LRRC1: variants seen among roughly 807,000 people sequenced by gnomAD.
LRRC1 encodes the protein leucine-rich repeat-containing protein 1.
LRRC1 carries 28 observed loss-of-function variants against 69.9 expected under a neutral mutation model. The observed-to-expected ratio is 0.40, with a 90% CI of 0.30 to 0.55. The LOEUF is 0.55. Among genes scored for constraint, LRRC1 ranks in the 20% least tolerant of loss-of-function variants. LRRC1 has a pLI of 0.47. For missense variants in LRRC1, 498 were observed against 609.0 expected (o/e 0.82, Z 1.92); for synonymous variants, 236 against 240.2 (o/e 0.98, Z 0.16).
At chr6:53,867,115 G>A (rs1766726481) in intron 2 of LRRC1, among the ~76,000 whole-genome samples, 1 of 152,116 alleles carries the variant, frequency 6.6e-6, no homozygotes, top group African/African-American at 2.4e-5. Flanking sequence ...TGTAAACTTG[G>A]ACGAGTCCCT....
rs1371557690 is a variant in LRRC1, at chr6:53,851,659, T to TGA, written c.277+9432_277+9433insGA. Among the ~76,000 whole-genome samples, 4 of 152,040 alleles carry TGA rather than the reference T, an allele frequency of 2.6e-5. No homozygotes were observed. The East Asian group carries it at 7.7e-4, about 29-fold the overall frequency. On this transcript the variant is annotated intron_variant, in intron 2 of 13. Transcript: ENST00000370888. ...TTTGGCATCCTGTGGTGCAGTGAAA[T>TGA]TAACATATAAAAGTAACCATCACAC...
intron 2 of LRRC1, among the ~76,000 whole-genome samples, chr6:53,858,577 G>T (rs1217866481): frequency 1.3e-5 from 2 of 152,206 alleles, no homozygotes; most frequent in African/African-American, 4.8e-5. Context: ...TCAGATAAAT[G>T]AAAGAATGAG....
At chr6:53,843,648 T>A (rs1765853895) in intron 2 of LRRC1, among the ~76,000 whole-genome samples, 1 of 152,026 alleles carries the variant, frequency 6.6e-6, no homozygotes, top group Admixed American at 6.6e-5. Context: ...TTAGATAAAG[T>A]GGATTTGATT....
At chr6:53,908,770 C>T (rs1429301207) in intron 10 of LRRC1, among the ~76,000 whole-genome samples, 1 of 152,104 alleles carries the variant, frequency 6.6e-6, no homozygotes, top group Non-Finnish European at 1.5e-5. Context: ...AGTTCTTCTA[C>T]ACCAATAAGG....
chr6:53,796,041 C>T (rs954537140), intron 1 of LRRC1, among the ~76,000 whole-genome samples: 1 of 152,358 alleles, frequency 6.6e-6, no homozygotes, highest in Admixed American at 6.5e-5. Context: ...GCGCTAGGGG[C>T]AGGTGCCCAG....
intron 2 of LRRC1, among the ~76,000 whole-genome samples, chr6:53,847,577 A>G (rs375745098): frequency 6.6e-6 from 1 of 152,244 alleles, no homozygotes; most frequent in East Asian, 1.9e-4. Context: ...AATCATCACT[A>G]TCATCAGGAC....
At chr6:53,808,015 G>C (rs1326547307) in intron 1 of LRRC1, among the ~76,000 whole-genome samples, 1 of 152,226 alleles carries the variant, frequency 6.6e-6, no homozygotes, top group East Asian at 1.9e-4. Flanking sequence ...TATTGGCAGG[G>C]CCTGGAGGGC....
chr6:53,905,921 G>A (rs1439631393), intron 10 of LRRC1, among the ~76,000 whole-genome samples: 1 of 152,158 alleles, frequency 6.6e-6, no homozygotes, highest in East Asian at 1.9e-4. Flanking sequence ...TAGAAAAGTT[G>A]GCTTCTAGTT....
Position 53,922,693 on chromosome 6 carries a change from C to A in LRRC1, c.1475C>A (p.Thr492Lys). The change falls in exon 14 of 14, where the codon ACA becomes AAA. Residue 492 changes from threonine to lysine, a missense_variant. Around this residue, in one of 3 missense-constraint regions of LRRC1, gnomAD observed 162 missense variants for 162.9 expected, o/e 0.99. Transcript: ENST00000370888. Reference protein sequence around the residue: ...HPGELKHMKKTVENLRNDMNA... With the variant: ...HPGELKHMKKKVENLRNDMNA... ...GGGGAGTTAAAGCACATGAAAAAGA[C>A]AGTGGAGAATTTACGGAATGACATG... 2.5e-6 allele frequency: 4 copies of A among 1,614,134 alleles called. No homozygotes were observed. The highest frequency in any genetic ancestry group is 1.6e-4 in the Middle Eastern group (1 of 6,062).
chr6:53,900,639 C>T (rs553692333), intron 8 of LRRC1, among the ~76,000 whole-genome samples: 2 of 152,184 alleles, frequency 1.3e-5, no homozygotes, highest in East Asian at 3.9e-4. Context: ...GAAAGAGTGG[C>T]GTAATTGAAT....
At chr6:53,833,088 C>G (rs534013373) in intron 1 of LRRC1, among the ~76,000 whole-genome samples, 1 of 152,262 alleles carries the variant, frequency 6.6e-6, no homozygotes, top group East Asian at 1.9e-4. Context: ...CTCTGAGGTA[C>G]CAACCCTGCT....
intron 1 of LRRC1, among the ~76,000 whole-genome samples, chr6:53,813,312 C>A (rs1486847960): frequency 6.6e-6 from 1 of 152,032 alleles, no homozygotes; most frequent in Admixed American, 6.5e-5. Context: ...CTTAAGGAAG[C>A]CCAGGAGTTG....
intron 7 of LRRC1, among the ~76,000 whole-genome samples, chr6:53,899,426 T>C (rs1767974000): frequency 6.6e-6 from 1 of 152,232 alleles, no homozygotes; most frequent in Non-Finnish European, 1.5e-5. Flanking sequence ...AATTCTAGCC[T>C]CCTTTTTCTT....
intron 1 of LRRC1, among the ~76,000 whole-genome samples, chr6:53,821,732 T>G (rs372244944): frequency 7.2e-5 from 11 of 152,346 alleles, no homozygotes; most frequent in African/African-American, 2.6e-4. Flanking sequence ...CTTTCTCAGA[T>G]TCTTAGGACT....
intron 13 of LRRC1, among the ~76,000 whole-genome samples, chr6:53,922,365 A>G (rs1418591246): frequency 6.6e-6 from 1 of 152,086 alleles, no homozygotes; most frequent in Non-Finnish European, 1.5e-5. Context: ...TTTTTATTTT[A>G]TAGTAATTTC....
chr6:53,848,152 A>G (rs117720778), intron 2 of LRRC1, among the ~76,000 whole-genome samples: 16 of 152,332 alleles, frequency 1.1e-4, no homozygotes, highest in East Asian at 3.9e-4. Flanking sequence ...GCACGCCTCT[A>G]TGCTCACTGT....
chr6:53,888,116 T>C (rs1767550394), intron 4 of LRRC1, among the ~76,000 whole-genome samples: 1 of 152,220 alleles, frequency 6.6e-6, no homozygotes, highest in Non-Finnish European at 1.5e-5. Flanking sequence ...AACATTTTAA[T>C]ACTGAAAATA....
intron 4 of LRRC1, among the ~76,000 whole-genome samples, chr6:53,887,709 C>T (rs1767534296): frequency 6.6e-6 from 1 of 151,676 alleles, no homozygotes; most frequent in Admixed American, 6.6e-5. Context: ...TTAGTGTCTC[C>T]CCTCTTTCAT....
At chr6:53,840,073 T>G (rs1252584486) in intron 1 of LRRC1, among the ~76,000 whole-genome samples, 5 of 152,196 alleles carry the variant, frequency 3.3e-5, no homozygotes, top group Non-Finnish European at 7.4e-5. Flanking sequence ...GGAATTTCCT[T>G]TGCCTTTCTC....
Sources: gnomAD v4.1 joint callset for allele counts (sites outside exome capture counted in the v4.1 genomes callset) on GRCh38, gnomAD v4.1.1 for gene constraint, gnomAD v4.1.1 regional missense constraint, MANE v1.5 for transcripts, NCBI Gene and HGNC (gene_info 2026-07-23, HGNC 2026-07-21) for gene names.